ATXN7L1: variants seen among roughly 807,000 people sequenced by gnomAD.
ATXN7L1 encodes ataxin-7-like protein 1.
A neutral mutation model predicts 70.8 loss-of-function variants in ATXN7L1; 15 were observed. That is an observed-to-expected ratio of 0.21 (90% CI 0.14 to 0.33). The LOEUF is 0.33. Ranked by LOEUF, ATXN7L1 falls within the 10% of genes least tolerant of loss-of-function variation. The pLI is 1.00. For missense variants in ATXN7L1, 975 were observed against 1,097.1 expected (o/e 0.89, Z 1.57); for synonymous variants, 440 against 445.1 (o/e 0.99, Z 0.14).
At chr7:105,748,428 T>G (rs554602187) in intron 3 of ATXN7L1, among the ~76,000 whole-genome samples, 2 of 152,148 alleles carry the variant, frequency 1.3e-5, no homozygotes, top group African/African-American at 4.8e-5. Flanking sequence ...GGAGGTTAGA[T>G]CCGACCATCT....
chr7:105,620,369 A>G, intron 8 of ATXN7L1, 48 bp from the exon 9 acceptor site: 1 of 1,482,154 alleles, frequency 6.7e-7, no homozygotes, highest in Non-Finnish European at 9.1e-7. Context: ...TAATAAGCTA[A>G]TATAAACTAT....
At position 105,733,637 on chromosome 7, in the gene ATXN7L1, T is replaced by TCCATCCATCCAC. The variant is rs1563049062; in HGVS notation, c.355+54966_355+54967insGTGGATGGATGG. On this transcript the variant is annotated intron_variant, in intron 3 of 11. Transcript: ENST00000419735. ...ATCCATCCATCCATCCATCCACCCA[T>TCCATCCATCCAC]CCATCCATCCATCCATCCATCCATC... 2.0e-3 allele frequency among the ~76,000 whole-genome samples: 169 copies of TCCATCCATCCAC among 83,448 alleles called. 26 individuals are homozygous for TCCATCCATCCAC. The highest frequency in any genetic ancestry group is 8.9e-3 in the African/African-American group (159 of 17,790). 54.7% of individuals were successfully genotyped at this position (83,448 alleles called of 152,430 possible).
chr7:105,731,757 A>AGAAAAGAAAAGAAAAGAGAAAAGAAAG (rs1403358391), intron 3 of ATXN7L1, among the ~76,000 whole-genome samples: 4 of 138,498 alleles, frequency 2.9e-5, no homozygotes, highest in African/African-American at 1.1e-4. Context: ...TAAAAAGAAA[A>AGAAAAGAAAAGAAAAGAGAAAAGAAAG]GAAAAGAAAA....
intron 2 of ATXN7L1, among the ~76,000 whole-genome samples, chr7:105,855,280 C>T (rs865977167): frequency 1.3e-5 from 2 of 152,184 alleles, no homozygotes; most frequent in African/African-American, 4.8e-5. Context: ...CTCAACTACT[C>T]CATGCAGGCA....
intron 3 of ATXN7L1, among the ~76,000 whole-genome samples, chr7:105,689,682 C>T (rs1234504190): frequency 6.6e-6 from 1 of 152,206 alleles, no homozygotes; most frequent in Non-Finnish European, 1.5e-5. Flanking sequence ...ACAGAGGCCC[C>T]ACACACAGGG....
In ATXN7L1 at chr7:105,614,188, G is replaced by T; in HGVS notation, c.2146C>A (p.Pro716Thr). ...GVSPLSAKLE[P>T]SGRTSLPGGP... ...CCGGGCAGCGAGGTCCGTCCTGAGG[G>T]CTCCAGTTTGGCACTGAGTGGGCTC... The change falls in exon 10 of 12, where the codon CCC (proline) becomes ACC (threonine). Residue 716 changes from proline (P) to threonine (T), a missense_variant. Around this residue, in one of 5 missense-constraint regions of ATXN7L1, gnomAD observed 635 missense variants for 699.4 expected, o/e 0.91. Coordinates refer to ENST00000419735, the MANE Select transcript of ATXN7L1 (RefSeq NM_020725.2). This position sits in a 1 kb window ranked among gnomAD's most constrained non-coding sequence, Gnocchi z 4.3. 6.4e-7 allele frequency: 1 copy of T among 1,551,738 alleles called. No individual in the cohort carries two copies. The highest frequency in any genetic ancestry group is 8.7e-7 in the Non-Finnish European group (1 of 1,147,006).
rs796762223 is a variant in ATXN7L1 at position 105,709,206 on chromosome 7, C to T, written c.356-43918G>A. 9.1e-4 allele frequency among the ~76,000 whole-genome samples: 139 copies of T among 152,096 alleles called. 1 individual carries two copies. Among genetic ancestry groups the T allele is most frequent in the African/African-American group, 3.2e-3 (133 of 41,496 alleles). On this transcript the variant is annotated intron_variant, in intron 3 of 11. Transcript: ENST00000419735. The stretch of plus-strand genomic sequence containing the variant: ...AAAATTAGATGGGCATGGTGGCGGG[C>T]GCCTATAATCCCAGCTACTTGGGAG...
At chr7:105,660,780 A>G (rs1490439239) in intron 4 of ATXN7L1, among the ~76,000 whole-genome samples, 1 of 151,982 alleles carries the variant, frequency 6.6e-6, no homozygotes, top group African/African-American at 2.4e-5. Context: ...ACAGGGTTTC[A>G]CCATGTTGGT....
chr7:105,692,428 C>CCCTCCCTCCTTCCTTCCTT (rs1791107168), intron 3 of ATXN7L1, among the ~76,000 whole-genome samples: 6 of 53,758 alleles, frequency 1.1e-4, no homozygotes, highest in Admixed American at 2.3e-4. Flanking sequence ...CTTCCTTCCT[C>CCCTCCCTCCTTCCTTCCTT]CCTCCCTCCC....
intron 4 of ATXN7L1, among the ~76,000 whole-genome samples, chr7:105,651,158 G>C (rs962331078): frequency 3.9e-5 from 6 of 152,202 alleles, no homozygotes; most frequent in African/African-American, 1.4e-4. Flanking sequence ...TCCTGCCTTG[G>C]TGGGGTGGTC....
chr7:105,772,812 A>C (rs951064817), intron 3 of ATXN7L1, among the ~76,000 whole-genome samples: 2 of 152,240 alleles, frequency 1.3e-5, no homozygotes, highest in Non-Finnish European at 2.9e-5. Flanking sequence ...ACATTAAATA[A>C]ATTTTCTAAT....
chr7:105,605,369 C>T lies in ATXN7L1; in HGVS notation c.*2483G>A, dbSNP rs1277857933. ...TGTAAAGTAAACCTGTGGTTGACTG[C>T]CAAGGAAGAATACTGTGGGCTTTCC... On this transcript the variant is annotated 3_prime_UTR_variant, in exon 12 of 12. Transcript: ENST00000419735. 6.6e-6 allele frequency: 1 copy of T among 151,052 alleles called. No individual in the cohort carries two copies. The highest frequency in any genetic ancestry group is 1.5e-5 in the Non-Finnish European group (1 of 67,916). The allele number at this position is 151,052 out of a possible 1,614,324, so 9.4% of individuals were successfully genotyped here.
intron 3 of ATXN7L1, among the ~76,000 whole-genome samples, chr7:105,757,746 C>CTAATTT (rs1412541595): frequency 2.2e-5 from 3 of 135,398 alleles, no homozygotes; most frequent in Non-Finnish European, 4.6e-5. Context: ...CCCCGCCTGG[C>CTAATTT]TAATTTTGAC....
chr7:105,733,925 T>TCATCCATCATCCATC (rs1797088818), intron 3 of ATXN7L1, among the ~76,000 whole-genome samples: 1 of 124,096 alleles, frequency 8.1e-6, no homozygotes, highest in Admixed American at 7.9e-5. Context: ...CATCCATCCA[T>TCATCCATCATCCATC]CATCCATCAT....
At chr7:105,653,323 C>T (rs146021049) in intron 4 of ATXN7L1, among the ~76,000 whole-genome samples, 1,584 of 152,042 alleles carry the variant, frequency 0.01, 24 homozygotes, top group African/African-American at 0.032. Context: ...TGGTGTATGC[C>T]GGTAATCCCA....
chr7:105,620,661 G>A (rs1441799354), intron 8 of ATXN7L1, among the ~76,000 whole-genome samples: 2 of 152,178 alleles, frequency 1.3e-5, no homozygotes, highest in African/African-American at 4.8e-5. Context: ...TTGGGAGGCT[G>A]AGGTGGGCGG....
At chr7:105,670,968 A>C (rs1383869343) in intron 3 of ATXN7L1, among the ~76,000 whole-genome samples, 1 of 152,002 alleles carries the variant, frequency 6.6e-6, no homozygotes, top group African/African-American at 2.4e-5. Context: ...TAGCCCGGCG[A>C]GGTGGCGGGC....
At chr7:105,677,631 C>A (rs915319331) in intron 3 of ATXN7L1, among the ~76,000 whole-genome samples, 1 of 152,204 alleles carries the variant, frequency 6.6e-6, no homozygotes, top group Non-Finnish European at 1.5e-5. Context: ...ACAGTGCCAA[C>A]TCATGGGAGA....
intron 7 of ATXN7L1, among the ~76,000 whole-genome samples, chr7:105,630,306 A>C (rs911647674): frequency 6.6e-6 from 1 of 152,208 alleles, no homozygotes; most frequent in African/African-American, 2.4e-5. Context: ...AGAGATAAAA[A>C]AGGCATTAGC....
Sources: allele counts gnomAD v4.1 joint callset (sites outside exome capture counted in the v4.1 genomes callset), GRCh38; gene constraint gnomAD v4.1.1; regional missense constraint gnomAD v4.1.1; non-coding constraint Gnocchi (gnomAD v3.1); transcripts MANE v1.5; gene names NCBI Gene and HGNC (gene_info 2026-07-23, HGNC 2026-07-21).